Variants in NELL2 observed in about 807,000 individuals in gnomAD.
NELL2 encodes the protein protein kinase C-binding protein NELL2.
NELL2 carries 41 observed loss-of-function variants against 109.6 expected under a neutral mutation model. That is an observed-to-expected ratio of 0.37 (90% CI 0.29 to 0.49). The LOEUF (loss-of-function observed/expected upper bound fraction) is 0.49. NELL2 is among the 20% of genes least tolerant of loss of function. The pLI is 0.98. For synonymous variants in NELL2, 355 were observed against 344.7 expected, an observed-to-expected ratio of 1.03 and a Z score of -0.33; for missense variants, 900 against 1,008.3, an observed-to-expected ratio of 0.89 and a Z score of 1.45.
intron 12 of NELL2, among the ~76,000 whole-genome samples, chr12:44,687,162 G>A (rs1394745217): frequency 4.6e-5 from 7 of 152,162 alleles, no homozygotes; most frequent in African/African-American, 9.7e-5. Context: ...GGAGTGACCC[G>A]ATTTTCCAGG....
intron 9 of NELL2, among the ~76,000 whole-genome samples, chr12:44,723,055 G>A (rs184788376): frequency 6.6e-6 from 1 of 152,100 alleles, no homozygotes; most frequent in Non-Finnish European, 1.5e-5. Flanking sequence ...CGGTCATGGT[G>A]GTGGGCGCCT....
intron 12 of NELL2, among the ~76,000 whole-genome samples, chr12:44,681,279 GT>G (rs11332038): frequency 0.064 from 8,828 of 138,680 alleles, 847 homozygotes; most frequent in African/African-American, 0.21. Flanking sequence ...GACTAGTTTT[GT>G]TTTTTTTTTA....
At chr12:44,780,323 CT>C (rs1366558257) in intron 3 of NELL2, among the ~76,000 whole-genome samples, 15 of 151,858 alleles carry the variant, frequency 9.9e-5, no homozygotes, top group Non-Finnish European at 7.4e-5. Flanking sequence ...CTAAAAAATC[CT>C]CAAGATGAGC....
chr12:44,872,022 T>C (rs1402421566), intron 2 of NELL2, among the ~76,000 whole-genome samples: 1 of 152,158 alleles, frequency 6.6e-6, no homozygotes. Context: ...CTAACATTGC[T>C]AGAAAGTCCT....
At chr12:44,762,699 T>C (rs1941176535) in intron 9 of NELL2, among the ~76,000 whole-genome samples, 1 of 152,166 alleles carries the variant, frequency 6.6e-6, no homozygotes, top group African/African-American at 2.4e-5. Context: ...AGCTTACACA[T>C]TCCTCTTTCT....
At chr12:44,746,814 G>A (rs200735470) in intron 9 of NELL2, among the ~76,000 whole-genome samples, 19,642 of 152,178 alleles carry the variant, frequency 0.13, 1,488 homozygotes, top group East Asian at 0.21. Flanking sequence ...TGCTGGAGAG[G>A]ATGTGGAGAA....
At chr12:44,757,907 G>A (rs936385874) in intron 9 of NELL2, among the ~76,000 whole-genome samples, 1 of 152,088 alleles carries the variant, frequency 6.6e-6, no homozygotes, top group Non-Finnish European at 1.5e-5. Context: ...AATTTTGATA[G>A]ATGATCCAGT....
chr12:44,774,507 T>C, intron 9 of NELL2: 1 of 425,156 alleles, frequency 2.4e-6, no homozygotes, highest in South Asian at 3.2e-5. Flanking sequence ...ACATGTTTCC[T>C]ACTACTATCA....
At chr12:44,722,568 G>A (rs1317624781) in intron 9 of NELL2, among the ~76,000 whole-genome samples, 1 of 152,206 alleles carries the variant, frequency 6.6e-6, no homozygotes, top group Non-Finnish European at 1.5e-5. Flanking sequence ...ACATGCACAG[G>A]TAACTAAATA....
chr12:44,522,220 C>T (rs1174605161), intron 17 of NELL2, 44 bp from the exon 18 acceptor site: 1 of 1,569,208 alleles, frequency 6.4e-7, no homozygotes, highest in Non-Finnish European at 8.7e-7. Context: ...ACCTCCATTT[C>T]TCAGTAACAC....
chr12:44,762,627 C>T (rs1423006913), intron 9 of NELL2, among the ~76,000 whole-genome samples: 1 of 152,222 alleles, frequency 6.6e-6, no homozygotes, highest in Non-Finnish European at 1.5e-5. Context: ...ACAGCAGTCA[C>T]CTCTGCCACC....
intron 1 of NELL2, among the ~76,000 whole-genome samples, chr12:44,898,124 A>C (rs1227953670): frequency 6.6e-6 from 1 of 152,174 alleles, no homozygotes. Flanking sequence ...GCTTATAGAA[A>C]AAACTCCCAT....
At chr12:44,670,868 C>T (rs755286590) in intron 12 of NELL2, among the ~76,000 whole-genome samples, 41 of 152,178 alleles carry the variant, frequency 2.7e-4, no homozygotes, top group Middle Eastern at 3.4e-3. Context: ...TCAACACCCT[C>T]GTTTTAGCAC....
rs1167128336 is a variant in NELL2, at chr12:44,796,510, T to C, written c.336-16488A>G. On this transcript the variant is annotated intron_variant, in intron 3 of 19. Coordinates refer to ENST00000429094, the MANE Select transcript of NELL2 (RefSeq NM_001145108.2). ...AGGTTTCTTAATAATAACTTTTTAG[T>C]TTAATTATTCCAACAAATATTTACT... Among the ~76,000 whole-genome samples the C allele has an allele frequency of 3.3e-5, 5 of 152,264 alleles. No homozygotes were observed. The East Asian group carries it at 9.6e-4, about 29-fold the overall frequency.
chr12:44,514,472 GAGAC>G (rs956792954), intron 19 of NELL2, among the ~76,000 whole-genome samples: 4 of 151,576 alleles, frequency 2.6e-5, no homozygotes, highest in African/African-American at 4.8e-5. Context: ...GATAGAGAGA[GAGAC>G]AGAGATCACA....
chr12:44,752,393 A>T (rs1303848851), intron 9 of NELL2, among the ~76,000 whole-genome samples: 1 of 152,226 alleles, frequency 6.6e-6, no homozygotes, highest in Admixed American at 6.5e-5. Flanking sequence ...TATGACTGAC[A>T]TACAGTATCT....
chr12:44,606,881 T>C (rs1945423840), intron 15 of NELL2, among the ~76,000 whole-genome samples: 2 of 152,042 alleles, frequency 1.3e-5, no homozygotes, highest in African/African-American at 4.8e-5. Flanking sequence ...TCCAAATGAG[T>C]AAAATGAATT....
chr12:44,704,825 C>G (rs982035069), intron 11 of NELL2, among the ~76,000 whole-genome samples: 13 of 151,808 alleles, frequency 8.6e-5, no homozygotes, highest in Non-Finnish European at 1.3e-4. Context: ...TGGAGGCCAG[C>G]CTGGCCAACA....
At chr12:44,643,424 C>T (rs983398188) in intron 13 of NELL2, among the ~76,000 whole-genome samples, 53 of 151,882 alleles carry the variant, frequency 3.5e-4, no homozygotes, top group Middle Eastern at 3.4e-3. Context: ...TACAAAGGTA[C>T]GTAGGCATTG....
Sources: allele counts gnomAD v4.1 joint callset (sites outside exome capture counted in the v4.1 genomes callset), GRCh38; gene constraint gnomAD v4.1.1; transcripts MANE v1.5; gene names NCBI Gene and HGNC (gene_info 2026-07-23, HGNC 2026-07-21).